Variants in NTN1 observed in about 807,000 individuals in gnomAD.
NTN1 encodes the protein netrin 1.
Under a neutral mutation model 54.2 loss-of-function variants are expected in NTN1, and 11 were observed. The ratio of observed to expected loss-of-function variants is 0.20; its 90% CI spans 0.13 to 0.34. The LOEUF (loss-of-function observed/expected upper bound fraction) is 0.34. Among genes scored for constraint, NTN1 ranks in the 10% least tolerant of loss-of-function variants. The pLI is 1.00. For missense variants in NTN1, 740 were observed against 893.1 expected (o/e 0.83, Z 2.18); for synonymous variants, 371 against 382.0 (o/e 0.97, Z 0.33).
intron 2 of NTN1, among the ~76,000 whole-genome samples, chr17:9,060,974 CAAAAAA>C (rs10689277): frequency 9.2e-6 from 1 of 108,780 alleles, no homozygotes; most frequent in South Asian, 3.4e-4. Flanking sequence ...GACTCTGTCT[CAAAAAA>C]AAAAAAAAAA....
chr17:9,130,673 C>A (rs1158715767), intron 2 of NTN1, among the ~76,000 whole-genome samples: 2 of 152,158 alleles, frequency 1.3e-5, no homozygotes, highest in African/African-American at 4.8e-5. Context: ...CCAGGGTCAT[C>A]CCAGACAATT....
intron 2 of NTN1, among the ~76,000 whole-genome samples, chr17:9,122,182 T>C (rs979217617): frequency 9.2e-5 from 14 of 151,972 alleles, no homozygotes; most frequent in Non-Finnish European, 1.8e-4. Flanking sequence ...GGACTACAGG[T>C]GCCCGCCACC....
chr17:9,118,908 A>G (rs891617308), intron 2 of NTN1, among the ~76,000 whole-genome samples: 3 of 152,238 alleles, frequency 2.0e-5, no homozygotes, highest in South Asian at 4.1e-4. Flanking sequence ...TGGATAAGGG[A>G]CATTTTAGTT....
At chr17:9,076,226 C>T (rs1489519382) in intron 2 of NTN1, among the ~76,000 whole-genome samples, 1 of 152,184 alleles carries the variant, frequency 6.6e-6, no homozygotes, top group Non-Finnish European at 1.5e-5. Flanking sequence ...GTGGAATCCA[C>T]CCAGGTGGGG....
intron 5 of NTN1, among the ~76,000 whole-genome samples, chr17:9,183,913 C>G (rs775014823): frequency 7.9e-5 from 12 of 152,180 alleles, no homozygotes; most frequent in Non-Finnish European, 1.6e-4. Flanking sequence ...ACCCAGAGTC[C>G]TGGTCCTGGG....
chr17:9,033,070 C>T (rs1393944821), intron 2 of NTN1, among the ~76,000 whole-genome samples: 3 of 151,394 alleles, frequency 2.0e-5, no homozygotes, highest in Non-Finnish European at 4.4e-5. Flanking sequence ...TCTTCTGTCT[C>T]AGCCTCCTGA....
chr17:9,224,178 A>G (rs2142359790), intron 6 of NTN1, among the ~76,000 whole-genome samples: 2 of 150,626 alleles, frequency 1.3e-5, no homozygotes, highest in East Asian at 3.9e-4. Context: ...CTTCCAGTGA[A>G]TTCTGCCTCC....
intron 2 of NTN1, among the ~76,000 whole-genome samples, chr17:9,136,045 G>A (rs184416191): frequency 3.3e-5 from 5 of 152,278 alleles, no homozygotes; most frequent in South Asian, 2.1e-4. Context: ...CCCCTGGTGC[G>A]ATGACTCAGG....
intron 6 of NTN1, among the ~76,000 whole-genome samples, chr17:9,231,853 T>C (rs1285624906): frequency 6.6e-6 from 1 of 152,218 alleles, no homozygotes; most frequent in East Asian, 1.9e-4. Context: ...GCTTTCTCAC[T>C]TTCCCTCCTC....
intron 2 of NTN1, among the ~76,000 whole-genome samples, chr17:9,130,722 A>G (rs1267256958): frequency 6.6e-6 from 1 of 152,048 alleles, no homozygotes; most frequent in Non-Finnish European, 1.5e-5. Context: ...CCCAGGTCTG[A>G]ACCCCTCCAG....
At chr17:9,022,252 C>T (rs1309979822) in intron 1 of NTN1, 59 bp from the exon 2 acceptor site, 1 of 1,120,190 alleles carries the variant, frequency 8.9e-7, no homozygotes, top group African/African-American at 1.6e-5. Flanking sequence ...CTCGCCACCC[C>T]GCCGAGAGCT....
At chr17:9,107,032 GATAAA>G (rs1327312628) in intron 2 of NTN1, among the ~76,000 whole-genome samples, 1 of 152,174 alleles carries the variant, frequency 6.6e-6, no homozygotes, top group Non-Finnish European at 1.5e-5. Context: ...CCCTCATCTA[GATAAA>G]AGAAGGGGTG....
chr17:9,106,523 TCC>T (rs2092167486), intron 2 of NTN1, among the ~76,000 whole-genome samples: 1 of 125,020 alleles, frequency 8.0e-6, no homozygotes, highest in African/African-American at 3.5e-5. Context: ...CTTCCTTCCT[TCC>T]TTCCTTTCGA....
In NTN1 at chr17:9,182,930, C is replaced by A; in HGVS notation, c.1372C>A (p.Pro458Thr). Residue 458 changes from proline (P) to threonine (T), a missense_variant, in exon 5 of 7, where the codon CCG becomes ACG. Transcript: ENST00000173229. ...ACCTCACAAAGAGATCCCTGTAGCG[C>A]CGCCGACGACTGCAGCCAGCAGCGT... ...IAPCIKIPVA[P>T]PTTAASSVEE... 3 of 1,614,170 alleles carry A rather than the reference C, an allele frequency of 1.9e-6. No individual in the cohort carries two copies. Among genetic ancestry groups the A allele is most frequent in the Non-Finnish European group, 2.5e-6 (3 of 1,180,010 alleles).
At chr17:9,051,486 C>G (rs1452555176) in intron 2 of NTN1, among the ~76,000 whole-genome samples, 3 of 152,218 alleles carry the variant, frequency 2.0e-5, no homozygotes, top group African/African-American at 7.2e-5. Context: ...CCCCTCTCCA[C>G]TTTGCAGTAT....
chr17:9,211,293 T>C lies in NTN1; in HGVS notation c.1412-9875T>C, dbSNP rs901839823. On this transcript the variant is annotated intron_variant, in intron 5 of 6. Coordinates refer to ENST00000173229, the MANE Select transcript of NTN1 (RefSeq NM_004822.3). This position sits in a 1 kb window ranked among gnomAD's most constrained non-coding sequence, Gnocchi z 4.4. Reference sequence around the variant, plus strand: ...TGCTCCTCCCTGCACTTCCTGGGGCTGATCCCTTGTCATCTGAGTGTCACC... The same window carrying C: ...TGCTCCTCCCTGCACTTCCTGGGGCCGATCCCTTGTCATCTGAGTGTCACC... Among the ~76,000 whole-genome samples the C allele has an allele frequency of 1.3e-5, 2 of 152,208 alleles. No homozygotes were observed. Among genetic ancestry groups the C allele is most frequent in the Non-Finnish European group, 2.9e-5 (2 of 68,026 alleles).
chr17:9,170,882 A>T (rs1470865365), intron 3 of NTN1, among the ~76,000 whole-genome samples: 9 of 144,704 alleles, frequency 6.2e-5, no homozygotes, highest in African/African-American at 7.8e-5. Flanking sequence ...ACACACACAC[A>T]CTCACACACA....
At chr17:9,183,570 T>C (rs1454367852) in intron 5 of NTN1, 1 of 302,290 alleles carries the variant, frequency 3.3e-6, no homozygotes, top group Non-Finnish European at 6.7e-6. Flanking sequence ...ATCATAAATA[T>C]CGTTCATGCT....
At chr17:9,030,765 GAAAGA>G (rs2091886251) in intron 2 of NTN1, among the ~76,000 whole-genome samples, 1 of 151,922 alleles carries the variant, frequency 6.6e-6, no homozygotes, top group Admixed American at 6.6e-5. Flanking sequence ...AAAAAAAAAA[GAAAGA>G]AAAGAAAGAT....
Sources: gnomAD v4.1 joint callset for allele counts (sites outside exome capture counted in the v4.1 genomes callset) on GRCh38, gnomAD v4.1.1 for gene constraint, Gnocchi (gnomAD v3.1) non-coding constraint, MANE v1.5 for transcripts, NCBI Gene and HGNC (gene_info 2026-07-23, HGNC 2026-07-21) for gene names.